Variants in SCAI observed in about 807,000 individuals in gnomAD.
SCAI encodes the protein protein SCAI.
Under a neutral mutation model 92.2 loss-of-function variants are expected in SCAI, and 24 were observed. That is an observed-to-expected ratio of 0.26 (90% confidence interval 0.19 to 0.37). The LOEUF (loss-of-function observed/expected upper bound fraction) is 0.37. Among genes scored for constraint, SCAI ranks in the 10% least tolerant of loss-of-function variants. The pLI is 1.00. For synonymous variants in SCAI, 261 were observed against 258.6 expected, an observed-to-expected ratio of 1.01 and a Z score of -0.09; for missense variants, 450 against 736.2, an observed-to-expected ratio of 0.61 and a Z score of 4.50.
At chr9:125,135,186 GA>G (rs1227129207) in intron 2 of SCAI, among the ~76,000 whole-genome samples, 1 of 152,110 alleles carries the variant, frequency 6.6e-6, no homozygotes, top group Non-Finnish European at 1.5e-5. Flanking sequence ...GTTTTAAGGG[GA>G]AAAAGATACA....
intron 6 of SCAI, among the ~76,000 whole-genome samples, chr9:125,024,518 G>A (rs1218326451): frequency 2.6e-5 from 4 of 152,002 alleles, no homozygotes; most frequent in African/African-American, 7.2e-5. Flanking sequence ...CTCATGATCC[G>A]CCTGCCTTGG....
At chr9:125,073,823 T>G (rs1588199304) in intron 2 of SCAI, among the ~76,000 whole-genome samples, 1 of 152,220 alleles carries the variant, frequency 6.6e-6, no homozygotes, top group Non-Finnish European at 1.5e-5. Context: ...TTAATCACTC[T>G]GAAAGGTTTC....
chr9:124,992,948 C>T (rs967149199), intron 14 of SCAI, among the ~76,000 whole-genome samples: 5 of 152,206 alleles, frequency 3.3e-5, no homozygotes, highest in African/African-American at 1.2e-4. Context: ...CTGGAAATAG[C>T]AGGCACATAC....
At chr9:125,011,442 G>C (rs1832638012) in intron 9 of SCAI, among the ~76,000 whole-genome samples, 1 of 152,190 alleles carries the variant, frequency 6.6e-6, no homozygotes, top group Admixed American at 6.5e-5. Context: ...AGTGATGAAA[G>C]ATGAAATGAA....
rs1323193264 is a variant in SCAI at position 124,943,906 on chromosome 9, A to AT, written c.*8900dup. 3.3e-5 allele frequency: 5 copies of AT among 152,234 alleles called. No individual in the cohort carries two copies. The highest frequency in any genetic ancestry group is 3.3e-4 in the Admixed American group (5 of 15,288). The allele number at this position is 152,234 out of a possible 1,614,324, so 9.4% of individuals were successfully genotyped here. ...AAGTGATTTATAACTGCTTCATCTG[A>AT]TTCAATGATTAATGAAATCACTATT... On this transcript the variant is annotated 3_prime_UTR_variant, in exon 18 of 18. Transcript: ENST00000336505.
At chr9:125,054,046 T>C (rs138696228) in intron 3 of SCAI, among the ~76,000 whole-genome samples, 207 of 152,278 alleles carry the variant, frequency 1.4e-3, no homozygotes, top group Non-Finnish European at 2.6e-3. Flanking sequence ...GTGATCACAG[T>C]TCACTGAAGC....
At chr9:125,078,452 C>T (rs1175689587) in intron 2 of SCAI, among the ~76,000 whole-genome samples, 8 of 152,194 alleles carry the variant, frequency 5.3e-5, no homozygotes, top group African/African-American at 1.9e-4. Flanking sequence ...CGCTTGAACC[C>T]AGGAGGTGGA....
At position 124,952,411 on chromosome 9, in the gene SCAI, A is replaced by T. The variant is rs73666659; in HGVS notation, c.*396T>A. The T allele has an allele frequency of 0.03, 4,670 of 155,536 alleles. 188 individuals carry two copies. The highest frequency in any genetic ancestry group is 0.09 in the Admixed American group (1,392 of 15,476). The allele number at this position is 155,536 out of a possible 1,614,324, so 9.6% of individuals were successfully genotyped here. ...GTAGTCCATGGTGGCTAGCTTCATC[A>T]TTATGAACCATTACATATTTCCAAA... is the stretch of plus-strand genomic sequence containing the variant. On this transcript the variant is annotated 3_prime_UTR_variant, in exon 18 of 18. Coordinates refer to ENST00000336505, the MANE Select transcript of SCAI (RefSeq NM_001144877.3).
chr9:125,029,612 T>C (rs774888178), intron 4 of SCAI, 32 bp downstream of exon 4: 3 of 1,390,778 alleles, frequency 2.2e-6, no homozygotes, highest in Admixed American at 3.5e-5. Flanking sequence ...AAAACAGGCC[T>C]TCACTCTCCT....
In SCAI at chr9:125,055,807, C is replaced by A. The variant is rs986295018; in HGVS notation, c.230+69G>T. ...CTACCCATAATTTTCGGAAACTTAC[C>A]ACACATCAGCCAGAAAAAAAACAAA... On this transcript the variant is annotated intron_variant, in intron 3 of 17. Coordinates refer to ENST00000336505, the MANE Select transcript of SCAI (RefSeq NM_001144877.3). The A allele has an allele frequency of 3.7e-6, 5 of 1,368,430 alleles. No homozygotes were observed. In the African/African-American group the frequency reaches 7.4e-5, roughly 20 times the overall value. The allele number at this position is 1,368,430 out of a possible 1,614,324, so 84.8% of individuals were successfully genotyped here.
chr9:125,095,411 A>G (rs1367919490), intron 2 of SCAI, among the ~76,000 whole-genome samples: 1 of 152,250 alleles, frequency 6.6e-6, no homozygotes, highest in Non-Finnish European at 1.5e-5. Flanking sequence ...AGTTAAGACA[A>G]AAAATACATG....
At chr9:125,126,831 G>A (rs1259162336) in intron 2 of SCAI, among the ~76,000 whole-genome samples, 3 of 152,144 alleles carry the variant, frequency 2.0e-5, no homozygotes, top group African/African-American at 4.8e-5. Flanking sequence ...AATATAAGTA[G>A]CCAGATAAGT....
At chr9:124,963,757 CAAAAAAAAAAA>C (rs36017738) in intron 17 of SCAI, among the ~76,000 whole-genome samples, 2 of 52,288 alleles carry the variant, frequency 3.8e-5, no homozygotes, top group South Asian at 1.1e-3. Context: ...GAATCTGTCT[CAAAAAAAAAAA>C]AAAAAAAAAA....
At chr9:125,136,348 C>G (rs563629428) in intron 2 of SCAI, among the ~76,000 whole-genome samples, 8 of 151,878 alleles carry the variant, frequency 5.3e-5, no homozygotes, top group South Asian at 2.1e-4. Context: ...TGGGCTCACA[C>G]CATTCATCTG....
At chr9:125,136,077 A>C (rs1417038809) in intron 2 of SCAI, among the ~76,000 whole-genome samples, 1 of 151,950 alleles carries the variant, frequency 6.6e-6, no homozygotes, top group Non-Finnish European at 1.5e-5. Flanking sequence ...AGACCCGTTC[A>C]ATCAGTTACT....
intron 9 of SCAI, among the ~76,000 whole-genome samples, chr9:125,004,882 G>A (rs1284650905): frequency 3.6e-4 from 50 of 138,456 alleles, no homozygotes; most frequent in Middle Eastern, 4.5e-3. Flanking sequence ...TCCTCCTCCC[G>A]GGTTCAAACG....
chr9:124,974,992 G>A (rs1831727330), intron 15 of SCAI, among the ~76,000 whole-genome samples: 1 of 152,022 alleles, frequency 6.6e-6, no homozygotes, highest in Admixed American at 6.6e-5. Context: ...AATAATCTTG[G>A]TATTAACCTA....
intron 2 of SCAI, among the ~76,000 whole-genome samples, chr9:125,116,241 T>A (rs968639897): frequency 6.6e-5 from 10 of 152,134 alleles, no homozygotes; most frequent in African/African-American, 2.4e-4. Flanking sequence ...TGTGTATATA[T>A]TAGAATTAAC....
intron 2 of SCAI, among the ~76,000 whole-genome samples, chr9:125,057,317 G>C (rs1219748374): frequency 1.3e-5 from 2 of 152,138 alleles, no homozygotes; most frequent in Non-Finnish European, 2.9e-5. Context: ...CAAGAGATAA[G>C]ATAGAGAAAT....
Sources: allele counts gnomAD v4.1 joint callset (sites outside exome capture counted in the v4.1 genomes callset), GRCh38; gene constraint gnomAD v4.1.1; transcripts MANE v1.5; gene names NCBI Gene and HGNC (gene_info 2026-07-23, HGNC 2026-07-21).